WDR70: variants seen among roughly 807,000 people sequenced by gnomAD.
WDR70 encodes WD repeat domain 70.
WDR70 carries 53 observed loss-of-function variants against 88.6 expected under a neutral mutation model. That is an observed-to-expected ratio of 0.60 (90% CI 0.48 to 0.75). The LOEUF is 0.75. WDR70 is among the 30% of genes least tolerant of loss of function. The pLI, the probability that WDR70 is intolerant of heterozygous loss-of-function variation, is 0.00. For missense variants in WDR70, 610 were observed against 823.2 expected (o/e 0.74, Z 3.17); for synonymous variants, 280 against 270.0 (o/e 1.04, Z -0.36).
intron 5 of WDR70, among the ~76,000 whole-genome samples, chr5:37,417,814 T>C (rs1749808972): frequency 6.6e-6 from 1 of 152,210 alleles, no homozygotes; most frequent in Non-Finnish European, 1.5e-5. Flanking sequence ...CGCAAAGTCC[T>C]GGGATTATAG....
At chr5:37,419,479 C>T (rs1749874166) in intron 5 of WDR70, among the ~76,000 whole-genome samples, 1 of 151,104 alleles carries the variant, frequency 6.6e-6, no homozygotes, top group African/African-American at 2.4e-5. Context: ...GCTGGGATTA[C>T]AGGTGTGAGC....
chr5:37,538,375 C>T lies in WDR70; in HGVS notation c.917+21785C>T, dbSNP rs138598644. On this transcript the variant is annotated intron_variant, in intron 9 of 17. Coordinates refer to ENST00000265107, the MANE Select transcript of WDR70 (RefSeq NM_018034.4). ...TTATGCACTTACTGCTTAATACACA[C>T]GATGAATGTTTTCACGGTTATAGCT... is the stretch of plus-strand genomic sequence containing the variant. 1.1e-3 allele frequency among the ~76,000 whole-genome samples: 173 copies of T among 152,320 alleles called. 1 individual carries two copies. Among genetic ancestry groups the T allele is most frequent in the African/African-American group, 3.9e-3 (163 of 41,572 alleles).
chr5:37,652,952 T>C (rs1246418743), intron 10 of WDR70, among the ~76,000 whole-genome samples: 13 of 152,152 alleles, frequency 8.5e-5, no homozygotes, highest in Admixed American at 8.5e-4. Context: ...GCCTGATTGC[T>C]GTGGCCAGAA....
intron 2 of WDR70, 61 bp downstream of exon 2, chr5:37,379,615 G>A (rs1748358548): frequency 6.3e-7 from 1 of 1,576,334 alleles, no homozygotes; most frequent in African/African-American, 1.3e-5. Flanking sequence ...GATCCGCAGA[G>A]TGGGAGTGGA....
intron 13 of WDR70, among the ~76,000 whole-genome samples, chr5:37,709,882 A>G (rs889210359): frequency 2.0e-5 from 3 of 152,202 alleles, no homozygotes; most frequent in Admixed American, 1.3e-4. Flanking sequence ...AGCAAGCAGC[A>G]TACACATATA....
chr5:37,505,748 C>T, intron 8 of WDR70: 1 of 1,345,886 alleles, frequency 7.4e-7, no homozygotes, highest in Non-Finnish European at 1.1e-6. Flanking sequence ...TAGCTCCCTA[C>T]ACGTTGGACC....
chr5:37,417,557 GAGAC>G (rs779651940), intron 5 of WDR70, among the ~76,000 whole-genome samples: 25 of 144,758 alleles, frequency 1.7e-4, no homozygotes, highest in Non-Finnish European at 3.5e-4. Flanking sequence ...TTTTTTTTAA[GAGAC>G]AGCGTATTGC....
At chr5:37,500,325 A>G (rs1167709003) in intron 8 of WDR70, among the ~76,000 whole-genome samples, 6 of 152,008 alleles carry the variant, frequency 3.9e-5, no homozygotes, top group Admixed American at 2.6e-4. Context: ...TATATTCTTT[A>G]TTTACTCATC....
chr5:37,744,560 C>T (rs1748585996), intron 17 of WDR70, among the ~76,000 whole-genome samples: 1 of 151,848 alleles, frequency 6.6e-6, no homozygotes, highest in African/African-American at 2.4e-5. Context: ...AATTGCTAAA[C>T]TAGAATAACC....
At chr5:37,651,123 C>G (rs1232409393) in intron 10 of WDR70, among the ~76,000 whole-genome samples, 1 of 152,050 alleles carries the variant, frequency 6.6e-6, no homozygotes, top group African/African-American at 2.4e-5. Flanking sequence ...GCCCTCCATC[C>G]CCCAACAAGC....
chr5:37,486,875 C>A (rs183844067), intron 8 of WDR70, among the ~76,000 whole-genome samples: 2 of 151,386 alleles, frequency 1.3e-5, no homozygotes, highest in African/African-American at 4.9e-5. Flanking sequence ...AGATCTTTGT[C>A]ACATGCATTG....
At chr5:37,408,494 G>T (rs1382970402) in intron 5 of WDR70, among the ~76,000 whole-genome samples, 1 of 151,994 alleles carries the variant, frequency 6.6e-6, no homozygotes, top group Admixed American at 6.6e-5. Context: ...AAAAAAGAAG[G>T]TAGAGGGATA....
At position 37,411,795 on chromosome 5, in the gene WDR70, C is replaced by T. The variant is rs116084044; in HGVS notation, c.492+15225C>T. Among the ~76,000 whole-genome samples, 474 of 152,136 alleles carry T rather than the reference C, an allele frequency of 3.1e-3. 1 individual carries two copies. Among genetic ancestry groups the T allele is most frequent in the Non-Finnish European group, 4.8e-3 (329 of 68,010 alleles). On this transcript the variant is annotated intron_variant, in intron 5 of 17. Coordinates refer to ENST00000265107, the MANE Select transcript of WDR70 (RefSeq NM_018034.4). ...TTACCAGAGTACTTACTAGTAGGTA[C>T]GTTATAAACCACACTGTCCCAACTG...
rs28522523 is a variant in WDR70 at position 37,707,645 on chromosome 5, C to A, written c.1416+4558C>A. On this transcript the variant is annotated intron_variant, in intron 13 of 17. Transcript: ENST00000265107. Reference sequence around the variant, plus strand: ...AGTTGATTGAAAAGGCCTGGCATGGCGGCTTATGCCTGTAATCCCAGCACT... The same window carrying A: ...AGTTGATTGAAAAGGCCTGGCATGGAGGCTTATGCCTGTAATCCCAGCACT... Among the ~76,000 whole-genome samples, 1,250 of 151,564 alleles carry A rather than the reference C, an allele frequency of 8.2e-3. 18 individuals carry two copies. Among genetic ancestry groups the A allele is most frequent in the African/African-American group, 0.029 (1,180 of 41,362 alleles).
At chr5:37,694,819 C>T (rs1746933178) in intron 10 of WDR70, among the ~76,000 whole-genome samples, 1 of 149,856 alleles carries the variant, frequency 6.7e-6, no homozygotes, top group Admixed American at 6.7e-5. Context: ...ATATTGTGCA[C>T]ATGTACCCTA....
At chr5:37,734,270 T>A (rs1019230918) in intron 17 of WDR70, among the ~76,000 whole-genome samples, 2 of 152,118 alleles carry the variant, frequency 1.3e-5, no homozygotes, top group African/African-American at 4.8e-5. Context: ...CGTTAAACCT[T>A]ACAAAATTTT....
chr5:37,535,041 C>T (rs1741620592), intron 9 of WDR70, among the ~76,000 whole-genome samples: 1 of 152,050 alleles, frequency 6.6e-6, no homozygotes, highest in Non-Finnish European at 1.5e-5. Context: ...TTTCTGCCTT[C>T]ATAGGGCTTA....
intron 5 of WDR70, among the ~76,000 whole-genome samples, chr5:37,425,328 A>G (rs1159346225): frequency 1.3e-5 from 2 of 152,260 alleles, no homozygotes; most frequent in Admixed American, 1.3e-4. Flanking sequence ...GTAGAGCACG[A>G]TAACATGGAT....
intron 7 of WDR70, among the ~76,000 whole-genome samples, chr5:37,460,978 C>T (rs1321510754): frequency 6.6e-6 from 1 of 150,966 alleles, no homozygotes; most frequent in Non-Finnish European, 1.5e-5. Context: ...GCCATATTTG[C>T]TTCTTTTTTG....
Sources: gnomAD v4.1 joint callset for allele counts (sites outside exome capture counted in the v4.1 genomes callset) on GRCh38, gnomAD v4.1.1 for gene constraint, MANE v1.5 for transcripts, NCBI Gene and HGNC (gene_info 2026-07-23, HGNC 2026-07-21) for gene names.